Variants in WT1 observed in about 807,000 individuals in gnomAD.
WT1 encodes Wilms tumor protein.
A neutral mutation model predicts 60.8 loss-of-function variants in WT1; 8 were observed. The ratio of observed to expected loss-of-function variants is 0.13; its 90% CI spans 0.08 to 0.24. The LOEUF (loss-of-function observed/expected upper bound fraction) is 0.24, where lower values mean the gene tolerates loss of function less well. Ranked by LOEUF, WT1 falls within the 10% of genes least tolerant of loss-of-function variation. The pLI is 1.00. For synonymous variants in WT1, 312 were observed against 297.1 expected (o/e 1.05, Z -0.52); for missense variants, 568 against 711.8 (o/e 0.80, Z 2.30).
intron 3 of WT1, among the ~76,000 whole-genome samples, chr11:32,418,567 A>G (rs915657682): frequency 1.1e-4 from 16 of 152,204 alleles, no homozygotes; most frequent in Admixed American, 5.9e-4. Context: ...CTCTACCTTC[A>G]TGGCAGAAAT....
intron 5 of WT1, 22 bp downstream of exon 5, chr11:32,416,468 C>T (rs1205672962): frequency 6.2e-7 from 1 of 1,614,102 alleles, no homozygotes; most frequent in Admixed American, 1.7e-5. Context: ...TTTGCTTTGC[C>T]ATCTCCGCAT....
intron 3 of WT1, among the ~76,000 whole-genome samples, chr11:32,421,038 T>C (rs2133048660): frequency 6.6e-6 from 1 of 152,330 alleles, no homozygotes; most frequent in South Asian, 2.1e-4. Context: ...CTGGGGCTCC[T>C]CAGCTGCTCA....
At chr11:32,414,103 A>T (rs1255454627) in intron 5 of WT1, among the ~76,000 whole-genome samples, 1 of 152,250 alleles carries the variant, frequency 6.6e-6, no homozygotes, top group East Asian at 1.9e-4. Context: ...GTGGATTTAC[A>T]GTATGTTCTA....
chr11:32,400,246 C>A (rs1488606272), intron 5 of WT1: 8 of 655,758 alleles, frequency 1.2e-5, no homozygotes, highest in Non-Finnish European at 2.2e-5. Context: ...CACCTCGCAG[C>A]CCCTCCCTCA....
chr11:32,418,242 A>ATG (rs869250138), intron 3 of WT1, among the ~76,000 whole-genome samples: 33 of 45,360 alleles, frequency 7.3e-4, no homozygotes, highest in African/African-American at 1.3e-3. Context: ...TACAAGTCAA[A>ATG]TTAAAAAAAA....
intron 1 of WT1, chr11:32,430,490 G>C (rs954936805): frequency 4.6e-6 from 7 of 1,518,964 alleles, no homozygotes; most frequent in African/African-American, 1.4e-5. Context: ...GAGAGAGAGA[G>C]ACGAAATAGA....
At chr11:32,428,672 G>C (rs1853155017) in intron 1 of WT1, 53 bp from the exon 2 acceptor site, 3 of 1,592,250 alleles carry the variant, frequency 1.9e-6, no homozygotes, top group Admixed American at 1.7e-5. Context: ...CGCAAGACGG[G>C]GCAGTGGGTC....
At chr11:32,392,888 T>C (rs1378053629) in intron 7 of WT1, 133 bp from the exon 8 acceptor site, 1 of 755,388 alleles carries the variant, frequency 1.3e-6, no homozygotes, top group Non-Finnish European at 2.3e-6. Flanking sequence ...TAGGGTAGGA[T>C]GATCCCCAAC....
chr11:32,388,798 T>G lies in WT1; in HGVS notation c.*260A>C, dbSNP rs868155844. On this transcript the variant is annotated 3_prime_UTR_variant, in exon 10 of 10. Coordinates refer to ENST00000452863, the MANE Select transcript of WT1 (RefSeq NM_024426.6). ...CTTACAGTAGAAAATCCACACCAAA[T>G]GGCAATGGGCTTTTAACTAACCAGA... The G allele has an allele frequency of 1.8e-5, 10 of 564,206 alleles. No homozygotes were observed. The Middle Eastern group carries it at 1.5e-3, about 84-fold the overall frequency. 34.9% of individuals were successfully genotyped at this position (564,206 alleles called of 1,614,324 possible). A position where few individuals can be genotyped will look rare whatever the true frequency, so the allele number is the denominator to read the frequency against.
chr11:32,427,054 G>C (rs1030832664), intron 3 of WT1, among the ~76,000 whole-genome samples: 10 of 152,324 alleles, frequency 6.6e-5, no homozygotes, highest in African/African-American at 2.2e-4. Context: ...GGGGGCAGCC[G>C]GTGTCAGGAT....
chr11:32,390,551 G>A (rs191027282), intron 9 of WT1, among the ~76,000 whole-genome samples: 2 of 152,302 alleles, frequency 1.3e-5, no homozygotes, highest in East Asian at 1.9e-4. Context: ...CAATTTGGGC[G>A]AAGAATCTGG....
rs994248697 is a variant in WT1, at chr11:32,396,415, CAG to C, written c.1114-10_1114-9del. 6.2e-7 allele frequency: 1 copy of C among 1,613,312 alleles called. No individual in the cohort carries two copies. Among genetic ancestry groups the C allele is most frequent in the African/African-American group, 1.3e-5 (1 of 74,896 alleles). ...AGGCACACGTCGCACATCCTGCAGG[CAG>C]AGAGTAAGAGGAAGGGAGGCTTTAA... On this transcript the variant is annotated splice_polypyrimidine_tract_variant and intron_variant, in intron 6 of 9. Transcript: ENST00000452863.
rs773831663 is a variant in WT1 at position 32,434,967 on chromosome 11, C to T, written c.394G>A (p.Ala132Thr). 1 of 1,541,114 alleles carries T rather than the reference C, an allele frequency of 6.5e-7. No homozygotes were observed. Among genetic ancestry groups the T allele is most frequent in the South Asian group, 1.2e-5 (1 of 84,394 alleles). ...GGCGGCGGCGGGGGTGGCGGCGGAG[C>T]CGGTGGCGGCGCGGGGCCGCCCAAC... Residue 132 changes from alanine (A) to threonine (T), a missense_variant, in exon 1 of 10, where the codon GCT becomes ACT. Ala to Thr is a moderately conservative substitution (Grantham distance 58). Around this residue, in one of 3 missense-constraint regions of WT1, gnomAD observed 523 missense variants for 565.1 expected, o/e 0.93. Coordinates refer to ENST00000452863, the MANE Select transcript of WT1 (RefSeq NM_024426.6).
At chr11:32,417,530 C>A (rs551988572) in intron 4 of WT1, 47 bp downstream of exon 4, 2 of 1,533,298 alleles carry the variant, frequency 1.3e-6, no homozygotes, top group South Asian at 2.2e-5. Flanking sequence ...ATGGTTCAAA[C>A]AGGTATAAGT....
intron 5 of WT1, among the ~76,000 whole-genome samples, chr11:32,414,732 G>A (rs909084285): frequency 2.0e-5 from 3 of 152,104 alleles, no homozygotes; most frequent in Non-Finnish European, 2.9e-5. Flanking sequence ...AATTAACCAG[G>A]TATGGTGGCA....
chr11:32,399,077 A>G (rs1471411938), intron 6 of WT1, among the ~76,000 whole-genome samples: 2 of 150,006 alleles, frequency 1.3e-5, no homozygotes, highest in Non-Finnish European at 3.0e-5. Flanking sequence ...AATGGTGTGA[A>G]CCCTGGAGGC....
rs557243591 is a variant in WT1, at chr11:32,430,529, C to A, written c.662-1910G>T. On this transcript the variant is annotated intron_variant, in intron 1 of 9. Transcript: ENST00000452863. ...TACGAAGAAGTTTTCTCTAGACGAA[C>A]CCTTCTCCATTCCTGAGCCCAGGAG... is the stretch of plus-strand genomic sequence containing the variant. The A allele has an allele frequency of 3.5e-5, 56 of 1,598,262 alleles. 1 individual carries two copies. In the South Asian group the frequency reaches 5.4e-4, roughly 15 times the overall value.
At chr11:32,419,162 C>T (rs1407835746) in intron 3 of WT1, among the ~76,000 whole-genome samples, 1 of 152,192 alleles carries the variant, frequency 6.6e-6, no homozygotes, top group African/African-American at 2.4e-5. Context: ...TGCTGTAAGG[C>T]TGGAGTAATT....
intron 5 of WT1, among the ~76,000 whole-genome samples, chr11:32,408,895 A>G (rs1467850708): frequency 6.6e-6 from 1 of 152,228 alleles, no homozygotes; most frequent in Non-Finnish European, 1.5e-5. Flanking sequence ...CGTATGAACC[A>G]CAGATTGCTG....
Sources: gnomAD v4.1 joint callset for allele counts (sites outside exome capture counted in the v4.1 genomes callset) on GRCh38, gnomAD v4.1.1 for gene constraint, gnomAD v4.1.1 regional missense constraint, MANE v1.5 for transcripts, NCBI Gene and HGNC (gene_info 2026-07-23, HGNC 2026-07-21) for gene names.